Variants in C5 observed in about 807,000 individuals in gnomAD.
C5 encodes C3 and PZP-like alpha-2-macroglobulin domain-containing protein 4.
A neutral mutation model predicts 218.8 loss-of-function variants in C5; 140 were observed. The observed-to-expected ratio is 0.64, with a 90% CI of 0.56 to 0.74. C5 has a LOEUF of 0.74. Among genes scored for constraint, C5 ranks in the 30% least tolerant of loss-of-function variants. The probability of loss-of-function intolerance (pLI) is 0.00; values close to 1 mark genes in which losing one functional copy is unlikely to be tolerated. For missense variants in C5, 1,700 were observed against 1,969.6 expected (o/e 0.86, Z 2.59); for synonymous variants, 614 against 682.3 (o/e 0.90, Z 1.56).
chr9:121,033,067 C>CAT (rs1220163422), intron 5 of C5, among the ~76,000 whole-genome samples: 19 of 146,376 alleles, frequency 1.3e-4, no homozygotes, highest in African/African-American at 3.7e-4. Context: ...TGTATACACA[C>CAT]ATATATATAC....
In C5 at chr9:120,996,226, A is replaced by C. The variant is rs1360118803; in HGVS notation, c.2851+14T>G. ...CAAAAGATAACATATAAAATAAAAA[A>C]TCATTTTGCCTACCATAAATACCCC... On this transcript the variant is annotated intron_variant, in intron 22 of 40. Transcript: ENST00000223642. 1.9e-6 allele frequency: 3 copies of C among 1,576,618 alleles called. No homozygotes were observed. The highest frequency in any genetic ancestry group is 2.6e-6 in the Non-Finnish European group (3 of 1,146,034).
chr9:120,957,461 G>C (rs2046794846), intron 38 of C5, 93 bp from the exon 39 acceptor site: 8 of 907,794 alleles, frequency 8.8e-6, no homozygotes, highest in Non-Finnish European at 1.5e-5. Flanking sequence ...CACGAGAAAT[G>C]AAGCATGGCA....
intron 20 of C5, among the ~76,000 whole-genome samples, chr9:121,002,210 A>ATG (rs1294087904): frequency 0.012 from 777 of 63,052 alleles, 52 homozygotes; most frequent in Middle Eastern, 0.037. Flanking sequence ...ATATATGTAT[A>ATG]TATACGTATA....
At chr9:121,002,273 TATATATAC>T (rs2047174301) in intron 20 of C5, among the ~76,000 whole-genome samples, 4 of 130,596 alleles carry the variant, frequency 3.1e-5, no homozygotes, top group East Asian at 4.6e-4. Context: ...TATATATATG[TATATATAC>T]GTATATATGT....
At position 121,043,171 on chromosome 9, in the gene C5, A is replaced by G; in HGVS notation, c.259-5T>C. The G allele has an allele frequency of 6.2e-7, 1 of 1,609,506 alleles. No homozygotes were observed. Among genetic ancestry groups the G allele is most frequent in the Non-Finnish European group, 8.5e-7 (1 of 1,176,724 alleles). ...AGGCAATTGTTTTGGTTGTATCTGG[A>G]AAAGAAATTGTTGATGGAAAAAGTA... is the stretch of plus-strand genomic sequence containing the variant. On this transcript the variant is annotated splice_polypyrimidine_tract_variant and splice_region_variant and intron_variant, in intron 2 of 40. Transcript: ENST00000223642.
chr9:121,027,084 T>G, intron 8 of C5, 76 bp downstream of exon 8: 1 of 803,396 alleles, frequency 1.2e-6, no homozygotes, highest in Non-Finnish European at 2.1e-6. Context: ...TTGGACTAGA[T>G]GGTTTTTAAG....
At chr9:120,959,370 C>A (rs536820693) in intron 38 of C5, among the ~76,000 whole-genome samples, 1 of 151,664 alleles carries the variant, frequency 6.6e-6, no homozygotes, top group South Asian at 2.1e-4. Context: ...GTGATTCTCC[C>A]GCCTCACCCT....
Position 120,982,587 on chromosome 9 carries a change from A to G in C5, c.3390+68T>C, listed in dbSNP as rs73662469. On this transcript the variant is annotated intron_variant, in intron 26 of 40. Coordinates refer to ENST00000223642, the MANE Select transcript of C5 (RefSeq NM_001735.3). ...TTTTCTTCTTCTTCTTCATCCTCCCATAATCAGATGAGAATAAAACTCAAA... is the reference window on the plus strand; with the variant it reads ...TTTTCTTCTTCTTCTTCATCCTCCCGTAATCAGATGAGAATAAAACTCAAA... The G allele has an allele frequency of 4.9e-4, 606 of 1,241,526 alleles. 3 individuals are homozygous for G. In the African/African-American group the frequency reaches 8.3e-3, roughly 17 times the overall value. The allele number at this position is 1,241,526 out of a possible 1,614,324, so 76.9% of individuals were successfully genotyped here. A position where few individuals can be genotyped will look rare whatever the true frequency, so the allele number is the denominator to read the frequency against.
At chr9:121,053,484 AC>A (rs1187999692), upstream of C5, among the ~76,000 whole-genome samples, 2 of 151,554 alleles carry the variant, frequency 1.3e-5, no homozygotes, top group African/African-American at 2.4e-5. Flanking sequence ...GCTGAATAGA[AC>A]CCCCCCCGAG....
chr9:120,997,728 C>G lies in C5; in HGVS notation c.2609G>C (p.Ser870Thr), dbSNP rs532367358. The stretch of plus-strand genomic sequence containing the variant: ...TGTGCCCTGATGATCAATGACTGGG[C>G]TTTCCGAAGTGCAGATTCCCTCCAC... ...SAVEGICTSE[S>T]PVIDHQGTKS... Residue 870 changes from serine (S) to threonine (T), a missense_variant, in exon 21 of 41, where the codon AGC (serine) becomes ACC (threonine). By Grantham distance (58) the Ser-to-Thr change is moderately conservative. Coordinates refer to ENST00000223642, the MANE Select transcript of C5 (RefSeq NM_001735.3). 2 of 1,614,086 alleles carry G rather than the reference C, an allele frequency of 1.2e-6. No homozygotes were observed. The highest frequency in any genetic ancestry group is 3.3e-5 in the Admixed American group (2 of 60,010).
chr9:121,042,629 G>A (rs1396017477), intron 3 of C5, among the ~76,000 whole-genome samples: 1 of 151,998 alleles, frequency 6.6e-6, no homozygotes, highest in Non-Finnish European at 1.5e-5. Context: ...AATTTTTCTT[G>A]TTTTCCAAAC....
intron 33 of C5, among the ~76,000 whole-genome samples, chr9:120,968,787 T>A (rs1445945559): frequency 6.6e-6 from 1 of 152,352 alleles, no homozygotes; most frequent in South Asian, 2.1e-4. Flanking sequence ...CCTAATTTTT[T>A]AAATCACATT....
chr9:121,053,424 G>A (rs1366245768), upstream of C5, among the ~76,000 whole-genome samples: 1 of 152,162 alleles, frequency 6.6e-6, no homozygotes, highest in African/African-American at 2.4e-5. Flanking sequence ...AGGCTTCGGT[G>A]CCAGCAGTTT....
intron 20 of C5, among the ~76,000 whole-genome samples, chr9:121,001,111 T>C (rs1351913953): frequency 1.3e-5 from 2 of 152,172 alleles, no homozygotes; most frequent in Admixed American, 6.6e-5. Flanking sequence ...AATAAAGAAT[T>C]TATAGCTCTA....
chr9:121,013,985 A>G lies in C5; in HGVS notation c.2145T>C (p.Ala715=). ...VNNDETCEQR[A]ARISLGPRCI... is the part of the protein sequence containing the mutation. ...ATCTTGGCCCTAAACTAATCCGTGC[A>G]GCTCGCTGCTCACAGGTTTCATCAT... Residue 715 remains alanine, a synonymous_variant, in exon 17 of 41, where the codon GCT becomes GCC. Coordinates refer to ENST00000223642, the MANE Select transcript of C5 (RefSeq NM_001735.3). The G allele has an allele frequency of 5.0e-6, 8 of 1,614,198 alleles. No individual in the cohort carries two copies. Among genetic ancestry groups the G allele is most frequent in the Non-Finnish European group, 6.8e-6 (8 of 1,180,024 alleles).
chr9:121,060,624 A>C, the C5 span, among the ~76,000 whole-genome samples: 1 of 152,044 alleles, frequency 6.6e-6, no homozygotes, highest in Non-Finnish European at 1.5e-5. Context: ...TTTCCTTCCA[A>C]AATAACTGCC....
At chr9:121,024,767 A>G (rs1213097664) in intron 9 of C5, among the ~76,000 whole-genome samples, 2 of 152,210 alleles carry the variant, frequency 1.3e-5, no homozygotes, top group African/African-American at 2.4e-5. Flanking sequence ...CTTAGAGCTC[A>G]TATGGAATTC....
chr9:120,961,649 C>T lies in C5; in HGVS notation c.4505-84G>A. 11 of 861,368 alleles carry T rather than the reference C, an allele frequency of 1.3e-5. No individual in the cohort carries two copies. In the South Asian group the frequency reaches 1.5e-4, roughly 12 times the overall value. 53.4% of individuals were successfully genotyped at this position (861,368 alleles called of 1,614,324 possible). A position where few individuals can be genotyped will look rare whatever the true frequency, so the allele number is the denominator to read the frequency against. On this transcript the variant is annotated intron_variant, in intron 36 of 40. Transcript: ENST00000223642. ...TAATTGGCAAGTGTCTTACATGGAG[C>T]CTCAGAGATTGCTTATTTTAAACCC... is the stretch of plus-strand genomic sequence containing the variant.
At chr9:120,984,138 C>G (rs2047015617) in intron 25 of C5, among the ~76,000 whole-genome samples, 1 of 152,106 alleles carries the variant, frequency 6.6e-6, no homozygotes, top group African/African-American at 2.4e-5. Flanking sequence ...CTATTTAAGC[C>G]ATTTCCCTTT....
Sources: allele counts gnomAD v4.1 joint callset (sites outside exome capture counted in the v4.1 genomes callset), GRCh38; gene constraint gnomAD v4.1.1; transcripts MANE v1.5; gene names NCBI Gene and HGNC (gene_info 2026-07-23, HGNC 2026-07-21).